The following GLG1 variants were observed in gnomAD, a reference collection of about 807,000 sequenced individuals.
GLG1 encodes Golgi apparatus protein 1.
Under a neutral mutation model 160.5 loss-of-function variants are expected in GLG1, and 38 were observed. The observed-to-expected ratio is 0.24, with a 90% CI of 0.18 to 0.31. The LOEUF (loss-of-function observed/expected upper bound fraction) is 0.31. Among genes scored for constraint, GLG1 ranks in the 10% least tolerant of loss-of-function variants. The pLI is 1.00. For missense variants in GLG1, 1,373 were observed against 1,505.2 expected (o/e 0.91, Z 1.45); for synonymous variants, 644 against 543.4 (o/e 1.19, Z -2.57).
At chr16:74,490,785 T>G (rs1458150541) in intron 8 of GLG1, among the ~76,000 whole-genome samples, 1 of 152,228 alleles carries the variant, frequency 6.6e-6, no homozygotes, top group Non-Finnish European at 1.5e-5. Flanking sequence ...ACAATTCTTT[T>G]TATTGATTAT....
chr16:74,493,305 A>G (rs1331633126), intron 6 of GLG1, among the ~76,000 whole-genome samples, 165 bp from the exon 7 acceptor site: 1 of 152,262 alleles, frequency 6.6e-6, no homozygotes, highest in Non-Finnish European at 1.5e-5. Flanking sequence ...CAATTGAGCT[A>G]AACTAGTGTG....
chr16:74,479,460 A>C (rs186529644), intron 11 of GLG1, among the ~76,000 whole-genome samples: 122 of 152,026 alleles, frequency 8.0e-4, no homozygotes, highest in East Asian at 5.8e-3. Context: ...AAAAAAAAAA[A>C]AACAAATTCC....
chr16:74,494,278 T>C (rs1379452128), intron 6 of GLG1, among the ~76,000 whole-genome samples: 1 of 152,154 alleles, frequency 6.6e-6, no homozygotes, highest in Non-Finnish European at 1.5e-5. Context: ...GGGTTTCATT[T>C]TCTTGGTTTC....
chr16:74,583,163 T>G (rs562809051), intron 1 of GLG1, among the ~76,000 whole-genome samples: 1 of 152,274 alleles, frequency 6.6e-6, no homozygotes, highest in African/African-American at 2.4e-5. Context: ...GTCCTTGGAA[T>G]CATAGTCTTC....
At chr16:74,596,954 A>G (rs1416921244) in intron 1 of GLG1, among the ~76,000 whole-genome samples, 1 of 151,026 alleles carries the variant, frequency 6.6e-6, no homozygotes, top group African/African-American at 2.4e-5. Flanking sequence ...TCATCTCTAC[A>G]AAAAAAAACA....
intron 1 of GLG1, among the ~76,000 whole-genome samples, chr16:74,598,372 T>A (rs1172064000): frequency 6.6e-6 from 1 of 151,146 alleles, no homozygotes; most frequent in Non-Finnish European, 1.5e-5. Context: ...ATACAAAAAA[T>A]TAGCCGGGCG....
At chr16:74,540,094 TATATATATTTTATATATATATA>T (rs1437337008) in intron 1 of GLG1, among the ~76,000 whole-genome samples, 875 of 1,160 alleles carry the variant, frequency 0.75, 434 homozygotes, top group Non-Finnish European at 0.97. Flanking sequence ...ATATATATAT[TATATATATTTTATATATATATA>T]TTATATATAT....
At chr16:74,600,745 A>AC (rs1168762672) in intron 1 of GLG1, among the ~76,000 whole-genome samples, 2 of 145,206 alleles carry the variant, frequency 1.4e-5, no homozygotes, top group Non-Finnish European at 3.1e-5. Flanking sequence ...AAAAAAAAAA[A>AC]AAAAAAAAAC....
At chr16:74,595,977 G>A (rs912548265) in intron 1 of GLG1, among the ~76,000 whole-genome samples, 3 of 151,506 alleles carry the variant, frequency 2.0e-5, no homozygotes, top group African/African-American at 7.3e-5. Context: ...TATAAAATTT[G>A]CCAGCCATGG....
chr16:74,467,330 GC>G (rs1351343470), intron 18 of GLG1, among the ~76,000 whole-genome samples: 11 of 152,138 alleles, frequency 7.2e-5, no homozygotes, highest in Non-Finnish European at 1.5e-4. Context: ...ATAGGGTCCT[GC>G]TTCTGTCTAT....
intron 1 of GLG1, among the ~76,000 whole-genome samples, chr16:74,571,273 A>T (rs2018819185): frequency 6.6e-6 from 1 of 152,202 alleles, no homozygotes; most frequent in Non-Finnish European, 1.5e-5. Context: ...TACATGAATG[A>T]GCCCAACTAT....
chr16:74,581,533 T>TA (rs1597369442), intron 1 of GLG1, among the ~76,000 whole-genome samples: 18 of 68,028 alleles, frequency 2.6e-4, no homozygotes, highest in East Asian at 1.8e-3. Flanking sequence ...AATGTAAGAT[T>TA]TAAAAAAAAA....
chr16:74,516,795 A>G (rs1159717573), intron 2 of GLG1, among the ~76,000 whole-genome samples: 1 of 152,218 alleles, frequency 6.6e-6, no homozygotes, highest in Non-Finnish European at 1.5e-5. Flanking sequence ...GATCAACAAA[A>G]TAGATAGACT....
chr16:74,588,379 A>C (rs1483081486), intron 1 of GLG1, among the ~76,000 whole-genome samples: 1 of 152,210 alleles, frequency 6.6e-6, no homozygotes, highest in Non-Finnish European at 1.5e-5. Flanking sequence ...GAGGCTTTGA[A>C]TTTTAAAAGA....
At chr16:74,573,382 G>T (rs2018893021) in intron 1 of GLG1, among the ~76,000 whole-genome samples, 1 of 151,838 alleles carries the variant, frequency 6.6e-6, no homozygotes, top group African/African-American at 2.4e-5. Flanking sequence ...GTATCTTAAA[G>T]GATTCTGAAA....
intron 1 of GLG1, among the ~76,000 whole-genome samples, chr16:74,575,623 G>T (rs980618600): frequency 2.0e-5 from 3 of 152,098 alleles, no homozygotes; most frequent in African/African-American, 7.2e-5. Flanking sequence ...TTTTGAGACA[G>T]AGTCTCCCTC....
chr16:74,487,586 GTAGGAAAA>G (rs2015838196), intron 8 of GLG1, among the ~76,000 whole-genome samples: 1 of 152,138 alleles, frequency 6.6e-6, no homozygotes, highest in Non-Finnish European at 1.5e-5. Context: ...TGGTTAGCTG[GTAGGAAAA>G]TTACTATCGA....
chr16:74,576,263 A>G (rs2019001195), intron 1 of GLG1, among the ~76,000 whole-genome samples: 5 of 152,200 alleles, frequency 3.3e-5, no homozygotes. Flanking sequence ...GCCCTGGTTA[A>G]TAAAACTCCA....
At chr16:74,542,757 GGAAGGAAGGA>G (rs2017927781) in intron 1 of GLG1, among the ~76,000 whole-genome samples, 1 of 56,134 alleles carries the variant, frequency 1.8e-5, no homozygotes, top group Non-Finnish European at 4.1e-5. Flanking sequence ...AAGGAAGGAA[GGAAGGAAGGA>G]AGGAAGGAAG....
Sources: gnomAD v4.1 joint callset for allele counts (sites outside exome capture counted in the v4.1 genomes callset) on GRCh38, gnomAD v4.1.1 for gene constraint, MANE v1.5 for transcripts, NCBI Gene and HGNC (gene_info 2026-07-23, HGNC 2026-07-21) for gene names.